The following TEF variants were observed in gnomAD, a reference collection of about 807,000 sequenced individuals.
TEF encodes the protein thyrotroph embryonic factor.
In TEF, 3 loss-of-function variants were observed where a neutral mutation model predicts 20.8. The ratio of observed to expected loss-of-function variants is 0.14; its 90% CI spans 0.07 to 0.37. TEF has a LOEUF of 0.37. TEF is among the 10% of genes least tolerant of loss of function. TEF has a pLI of 1.00. For synonymous variants in TEF, 180 were observed against 171.1 expected (o/e 1.05, Z -0.41); for missense variants, 296 against 397.9 (o/e 0.74, Z 2.18).
At chr22:41,391,621 C>G (rs2037167320) in intron 2 of TEF, among the ~76,000 whole-genome samples, 4 of 143,570 alleles carry the variant, frequency 2.8e-5, no homozygotes, top group African/African-American at 8.2e-5. Context: ...AGGCCGGCAT[C>G]TGACTTTTTT....
At chr22:41,393,767 C>A (rs6002368) in intron 2 of TEF, among the ~76,000 whole-genome samples, 7,242 of 146,060 alleles carry the variant, frequency 0.05, 564 homozygotes, top group African/African-American at 0.17. Flanking sequence ...AGCAAGACTC[C>A]CATCTCAAAA....
At chr22:41,369,053 C>G in intron 1 of TEF, 1 of 985,274 alleles carries the variant, frequency 1.0e-6, no homozygotes, top group Non-Finnish European at 1.2e-6. Flanking sequence ...GTGGTACAGT[C>G]CCTCCTGGCT....
In TEF at chr22:41,387,451, C is replaced by G. The variant is rs2037111877; in HGVS notation, c.258C>G (p.Thr86=). The G allele has an allele frequency of 6.2e-7, 1 of 1,614,232 alleles. No homozygotes were observed. The part of the protein sequence containing the change: ...ASLMPPIWDK[T]IPYDGESFHL... ...TCATGCCACCCATCTGGGACAAGACCATCCCATATGATGGCGAATCTTTCC... is the reference window on the plus strand; with the variant it reads ...TCATGCCACCCATCTGGGACAAGACGATCCCATATGATGGCGAATCTTTCC... Residue 86 remains threonine, a synonymous_variant, in exon 2 of 4, where the codon ACC becomes ACG. Coordinates refer to ENST00000266304, the MANE Select transcript of TEF (RefSeq NM_003216.4).
chr22:41,396,470 AAGCAG>A lies in TEF; in HGVS notation c.*511_*515del. ...TAACATCTGTTCCCATCTTCCTTGGAAGCAGGACACACCAGCTCCTCCGTCAGTGT... is the reference window on the plus strand; with the variant it reads ...TAACATCTGTTCCCATCTTCCTTGGAGACACACCAGCTCCTCCGTCAGTGT... On this transcript the variant is annotated 3_prime_UTR_variant, in exon 4 of 4. Transcript: ENST00000266304. 1 of 165,120 alleles carries A rather than the reference AAGCAG, an allele frequency of 6.1e-6. No homozygotes were observed. Among genetic ancestry groups the A allele is most frequent in the Admixed American group, 6.1e-5 (1 of 16,368 alleles). 10.2% of individuals were successfully genotyped at this position (165,120 alleles called of 1,614,324 possible).
chr22:41,368,487 G>A (rs1175499927), intron 1 of TEF, among the ~76,000 whole-genome samples: 1 of 152,082 alleles, frequency 6.6e-6, no homozygotes, highest in Non-Finnish European at 1.5e-5. Flanking sequence ...TGTCCCCGCA[G>A]GACTCCTTCC....
intron 1 of TEF, among the ~76,000 whole-genome samples, chr22:41,383,383 G>T (rs2145979066): frequency 6.6e-6 from 1 of 152,318 alleles, no homozygotes; most frequent in African/African-American, 2.4e-5. Context: ...GAGACAAGCT[G>T]CAGGGACAGG....
intron 1 of TEF, among the ~76,000 whole-genome samples, chr22:41,383,352 C>T (rs1230505144): frequency 1.3e-5 from 2 of 152,150 alleles, no homozygotes; most frequent in South Asian, 4.1e-4. Flanking sequence ...TGAGACGGTG[C>T]TTTGTTCCAA....
At chr22:41,392,724 ACATGT>A (rs2037183102) in intron 2 of TEF, among the ~76,000 whole-genome samples, 1 of 149,036 alleles carries the variant, frequency 6.7e-6, no homozygotes, top group African/African-American at 2.5e-5. Context: ...ACAGTAACAG[ACATGT>A]CTCAGGGACT....
intron 1 of TEF, among the ~76,000 whole-genome samples, 160 bp downstream of exon 1, chr22:41,382,361 G>T (rs955461779): frequency 1.3e-5 from 2 of 152,030 alleles, no homozygotes; most frequent in East Asian, 3.9e-4. Flanking sequence ...GAGGCCGGGG[G>T]GCTGAGGACA....
chr22:41,372,978 G>T (rs1173775842), intron 1 of TEF, among the ~76,000 whole-genome samples: 2 of 152,120 alleles, frequency 1.3e-5, no homozygotes, highest in African/African-American at 4.8e-5. Context: ...GGGGGAGAGG[G>T]GTACCAGGTG....
In TEF at chr22:41,398,699, G is replaced by A. The variant is rs1280812083; in HGVS notation, c.*2739G>A. 1 of 152,258 alleles carries A rather than the reference G, an allele frequency of 6.6e-6. No homozygotes were observed. Among genetic ancestry groups the A allele is most frequent in the Non-Finnish European group, 1.5e-5 (1 of 68,050 alleles). The allele number at this position is 152,258 out of a possible 1,614,324, so 9.4% of individuals were successfully genotyped here. ...CTGTCTGGCTTCTGAGGTTGGAGGG[G>A]GCACTTAGCAGTGAACCTTAAGTCT... On this transcript the variant is annotated 3_prime_UTR_variant, in exon 4 of 4. Transcript: ENST00000266304.
In TEF at chr22:41,369,843, C is replaced by T. The variant is rs2036860447; in HGVS notation, c.67+2244C>T. The T allele has an allele frequency of 3.1e-6, 3 of 965,580 alleles. No individual in the cohort carries two copies. The African/African-American group carries it at 5.3e-5, about 17-fold the overall frequency. 59.8% of individuals were successfully genotyped at this position (965,580 alleles called of 1,614,324 possible). ...CAGGGATGCCCTCAGGTCCGCGTGC[C>T]CTTGCTTTGGTGGACTTCCTGCTGC... On this transcript the variant is annotated intron_variant, in intron 1 of 3. Coordinates refer to the TEF transcript ENST00000406644.
upstream of TEF, among the ~76,000 whole-genome samples, chr22:41,377,941 G>A (rs920606849): frequency 1.3e-5 from 2 of 152,150 alleles, no homozygotes; most frequent in Non-Finnish European, 2.9e-5. Context: ...GCTAAAAAAA[G>A]AAAATCTAAA....
At chr22:41,368,856 A>C (rs1295535176) in intron 1 of TEF, among the ~76,000 whole-genome samples, 1 of 151,892 alleles carries the variant, frequency 6.6e-6, no homozygotes, top group Admixed American at 6.6e-5. Flanking sequence ...TGAGAAGCCC[A>C]CCTCCTCAGC....
chr22:41,396,781 A>G lies in TEF; in HGVS notation c.*821A>G, dbSNP rs984874596. 1.0e-5 allele frequency: 4 copies of G among 396,034 alleles called. No homozygotes were observed. Among genetic ancestry groups the G allele is most frequent in the Non-Finnish European group, 1.8e-5 (4 of 225,224 alleles). 24.5% of individuals were successfully genotyped at this position (396,034 alleles called of 1,614,324 possible). A position where few individuals can be genotyped will look rare whatever the true frequency, so the allele number is the denominator to read the frequency against. On this transcript the variant is annotated 3_prime_UTR_variant, in exon 4 of 4. Coordinates refer to ENST00000266304, the MANE Select transcript of TEF (RefSeq NM_003216.4). ...ATGTGAAGCTCGTTTGTCCCACTAG[A>G]CCAGGCCTCTGGGCCTGCTCTTTCT...
chr22:41,381,696 G>A (rs1336464542), upstream of TEF, among the ~76,000 whole-genome samples: 2 of 152,202 alleles, frequency 1.3e-5, no homozygotes, highest in East Asian at 1.9e-4. Flanking sequence ...CGCCAATCAG[G>A]GGACACAGGG....
intron 2 of TEF, among the ~76,000 whole-genome samples, chr22:41,388,979 A>G (rs1001375665): frequency 6.6e-6 from 1 of 152,212 alleles, no homozygotes; most frequent in Non-Finnish European, 1.5e-5. Flanking sequence ...CAATCAAATT[A>G]TAAGTATTTC....
At chr22:41,391,860 ATCCACAC>A (rs2037171546) in intron 2 of TEF, among the ~76,000 whole-genome samples, 1 of 152,126 alleles carries the variant, frequency 6.6e-6, no homozygotes, top group Non-Finnish European at 1.5e-5. Flanking sequence ...TGACCTCGTG[ATCCACAC>A]GCCTCGGCCT....
At chr22:41,383,510 T>G (rs1020560560) in intron 1 of TEF, among the ~76,000 whole-genome samples, 3 of 152,164 alleles carry the variant, frequency 2.0e-5, no homozygotes, top group African/African-American at 7.2e-5. Flanking sequence ...CTTATTTCAT[T>G]AACAGTCCTA....
Sources: allele counts gnomAD v4.1 joint callset (sites outside exome capture counted in the v4.1 genomes callset), GRCh38; gene constraint gnomAD v4.1.1; transcripts MANE v1.5; gene names NCBI Gene and HGNC (gene_info 2026-07-23, HGNC 2026-07-21).